Variants in NAA11 observed in about 807,000 individuals in gnomAD.
The protein encoded by NAA11 is N-alpha-acetyltransferase 11, NatA catalytic subunit.
Under a neutral mutation model 16.1 loss-of-function variants are expected in NAA11, and 15 were observed. That is an observed-to-expected ratio of 0.93 (90% CI 0.62 to 1.44). The LOEUF (loss-of-function observed/expected upper bound fraction) is 1.44, where lower values mean the gene tolerates loss of function less well. Among genes scored for constraint, NAA11 ranks in the 40% most tolerant of loss-of-function variants. The pLI is 0.00. For missense variants in NAA11, 298 were observed against 291.3 expected (o/e 1.02, Z -0.17); for synonymous variants, 122 against 112.4 (o/e 1.09, Z -0.54).
chr4:79,162,757 G>A, the NAA11 span, among the ~76,000 whole-genome samples: 7 of 152,204 alleles, frequency 4.6e-5, no homozygotes, highest in East Asian at 1.4e-3. Context: ...CTATTTAAAA[G>A]GAGAGACAGC....
At chr4:79,310,966 T>A (rs1374391387) in intron 1 of NAA11, among the ~76,000 whole-genome samples, 1 of 152,164 alleles carries the variant, frequency 6.6e-6, no homozygotes, top group East Asian at 1.9e-4. Flanking sequence ...GCACCAGGGA[T>A]GAGTGAAGAA....
intron 1 of NAA11, among the ~76,000 whole-genome samples, chr4:79,295,229 G>A (rs1159444719): frequency 6.6e-6 from 1 of 152,220 alleles, no homozygotes; most frequent in Non-Finnish European, 1.5e-5. Context: ...AAGAGGTGAT[G>A]TTGGAACTTG....
chr4:79,165,495 A>G, the NAA11 span, among the ~76,000 whole-genome samples: 1 of 152,252 alleles, frequency 6.6e-6, no homozygotes, highest in Admixed American at 6.5e-5. Context: ...CCCTTTGCAC[A>G]GAACCTGGAG....
chr4:79,288,012 GTTATT>G (rs1324329850), intron 2 of NAA11, among the ~76,000 whole-genome samples: 1 of 152,166 alleles, frequency 6.6e-6, no homozygotes, highest in Non-Finnish European at 1.5e-5. Flanking sequence ...TCTCACATCT[GTTATT>G]TTAAACACAA....
the NAA11 span, among the ~76,000 whole-genome samples, chr4:79,188,413 A>G: frequency 1.6e-4 from 25 of 152,036 alleles, no homozygotes; most frequent in African/African-American, 5.8e-4. Context: ...GTGAAACCCC[A>G]TCTCTACTAA....
intron 2 of NAA11, among the ~76,000 whole-genome samples, chr4:79,285,898 A>G (rs1474603146): frequency 6.6e-6 from 1 of 152,044 alleles, no homozygotes; most frequent in Non-Finnish European, 1.5e-5. Context: ...GCATTCAAAT[A>G]TTCCATTTTT....
chr4:79,187,998 CAAAAAAA>C, the NAA11 span, among the ~76,000 whole-genome samples: 3 of 74,184 alleles, frequency 4.0e-5, no homozygotes, highest in East Asian at 4.0e-4. Flanking sequence ...GACTCCGTCT[CAAAAAAA>C]AAAAAAAAAA....
At chr4:79,204,967 G>A in the NAA11 span, among the ~76,000 whole-genome samples, 2 of 93,992 alleles carry the variant, frequency 2.1e-5, no homozygotes, top group African/African-American at 6.2e-5. Flanking sequence ...ATTATTCCAT[G>A]GTGTGGGTGT....
intron 2 of NAA11, among the ~76,000 whole-genome samples, chr4:79,291,488 G>T (rs541782257): frequency 5.7e-4 from 87 of 152,142 alleles, no homozygotes; most frequent in African/African-American, 2.0e-3. Flanking sequence ...AAAGAATTGG[G>T]CCGGGCCTGG....
chr4:79,179,469 AC>A, the NAA11 span, among the ~76,000 whole-genome samples: 8 of 152,352 alleles, frequency 5.3e-5, no homozygotes, highest in East Asian at 3.9e-4. Flanking sequence ...ATTAAAAAGT[AC>A]TATTCTTCAA....
At chr4:79,191,131 G>A in the NAA11 span, among the ~76,000 whole-genome samples, 1 of 152,038 alleles carries the variant, frequency 6.6e-6, no homozygotes, top group African/African-American at 2.4e-5. Context: ...TGCAGTGAAC[G>A]TTCGCGTGCA....
chr4:79,167,764 A>C, the NAA11 span, among the ~76,000 whole-genome samples: 1 of 152,286 alleles, frequency 6.6e-6, no homozygotes, highest in African/African-American at 2.4e-5. Context: ...CAGGAAAATT[A>C]TAATCATCAT....
the NAA11 span, among the ~76,000 whole-genome samples, chr4:79,186,939 G>C: frequency 6.6e-6 from 1 of 152,290 alleles, no homozygotes; most frequent in African/African-American, 2.4e-5. Flanking sequence ...GGGATAGGAT[G>C]CAGGCTTAGA....
the NAA11 span, among the ~76,000 whole-genome samples, chr4:79,172,797 G>A: frequency 6.6e-6 from 1 of 152,062 alleles, no homozygotes; most frequent in East Asian, 1.9e-4. Flanking sequence ...AATTAGTTGG[G>A]CAGTTACATA....
the NAA11 span, among the ~76,000 whole-genome samples, chr4:79,160,652 A>G: frequency 5.8e-4 from 89 of 152,286 alleles, no homozygotes; most frequent in Non-Finnish European, 8.7e-4. Flanking sequence ...CTGTTGGTAT[A>G]TCTTTGGAGA....
the NAA11 span, among the ~76,000 whole-genome samples, chr4:79,180,570 T>A: frequency 4.9e-4 from 74 of 152,294 alleles, 1 homozygote; most frequent in South Asian, 4.1e-3. Context: ...CATTAAAAAG[T>A]CAGGAAACAA....
At chr4:79,248,607 C>T (rs1721901439) in intron 2 of NAA11, among the ~76,000 whole-genome samples, 2 of 152,184 alleles carry the variant, frequency 1.3e-5, no homozygotes, top group Non-Finnish European at 2.9e-5. Context: ...TGCATTGATA[C>T]CACCGGCACA....
At chr4:79,200,027 G>A in the NAA11 span, among the ~76,000 whole-genome samples, 2 of 151,732 alleles carry the variant, frequency 1.3e-5, no homozygotes, top group South Asian at 4.2e-4. Context: ...TATTGCTAAT[G>A]TGCTTCCTCA....
chr4:79,171,805 G>A, the NAA11 span, among the ~76,000 whole-genome samples: 21 of 152,066 alleles, frequency 1.4e-4, no homozygotes, highest in African/African-American at 4.8e-4. Flanking sequence ...GGAGTACTTA[G>A]CAAATTCTTA....
Sources: gnomAD v4.1 joint callset for allele counts (sites outside exome capture counted in the v4.1 genomes callset) on GRCh38, gnomAD v4.1.1 for gene constraint, MANE v1.5 for transcripts, NCBI Gene and HGNC (gene_info 2026-07-23, HGNC 2026-07-21) for gene names.